CNTN5: variants seen among roughly 807,000 people sequenced by gnomAD.
CNTN5 encodes the protein contactin-5.
CNTN5 carries 77 observed loss-of-function variants against 129.1 expected under a neutral mutation model. That is an observed-to-expected ratio of 0.60 (90% CI 0.50 to 0.72). The LOEUF (loss-of-function observed/expected upper bound fraction) is 0.72, where lower values mean the gene tolerates loss of function less well. CNTN5 is among the 30% of genes least tolerant of loss of function. The probability of loss-of-function intolerance (pLI) is 0.00; values close to 1 mark genes in which losing one functional copy is unlikely to be tolerated. For missense variants in CNTN5, 1,478 were observed against 1,328.8 expected, an observed-to-expected ratio of 1.11 and a Z score of -1.75; for synonymous variants, 509 against 465.6, an observed-to-expected ratio of 1.09 and a Z score of -1.20.
chr11:99,570,129 CT>C (rs1425663512), intron 3 of CNTN5, among the ~76,000 whole-genome samples: 5 of 143,138 alleles, frequency 3.5e-5, no homozygotes, highest in African/African-American at 1.1e-4. Context: ...CTAAAGGTTA[CT>C]TTAAAAAAAA....
chr11:99,641,898 A>G (rs1482952223), intron 3 of CNTN5, among the ~76,000 whole-genome samples: 1 of 152,170 alleles, frequency 6.6e-6, no homozygotes, highest in Non-Finnish European at 1.5e-5. Context: ...TGAGAGCGTT[A>G]CTTCTTCCTC....
chr11:99,341,640 A>C (rs940095085), intron 2 of CNTN5, among the ~76,000 whole-genome samples: 2 of 152,260 alleles, frequency 1.3e-5, no homozygotes, highest in African/African-American at 4.8e-5. Flanking sequence ...CATGTCTTGT[A>C]CTCTTTGTGG....
chr11:99,941,270 A>T (rs1381010849), intron 7 of CNTN5, among the ~76,000 whole-genome samples: 1 of 152,114 alleles, frequency 6.6e-6, no homozygotes, highest in Non-Finnish European at 1.5e-5. Flanking sequence ...GTTTCTAGAA[A>T]AACTTCCAGA....
chr11:99,257,568 A>G (rs1283245179), intron 1 of CNTN5, among the ~76,000 whole-genome samples: 1 of 151,998 alleles, frequency 6.6e-6, no homozygotes, highest in Non-Finnish European at 1.5e-5. Flanking sequence ...AAAAAGGTGT[A>G]ATTTTTTATT....
At chr11:99,171,423 C>G (rs1299901540) in intron 1 of CNTN5, among the ~76,000 whole-genome samples, 1 of 152,156 alleles carries the variant, frequency 6.6e-6, no homozygotes, top group African/African-American at 2.4e-5. Context: ...CTCATCTGAT[C>G]ATTCAGTTCC....
chr11:99,176,417 C>A (rs1162851941), intron 1 of CNTN5, among the ~76,000 whole-genome samples: 2 of 152,150 alleles, frequency 1.3e-5, no homozygotes, highest in Non-Finnish European at 2.9e-5. Context: ...CAATTGTCTG[C>A]ATAACCTCAC....
At chr11:99,987,038 A>G (rs1475943521) in intron 8 of CNTN5, among the ~76,000 whole-genome samples, 2 of 152,182 alleles carry the variant, frequency 1.3e-5, no homozygotes, top group African/African-American at 4.8e-5. Context: ...AGATTTTTTC[A>G]TAATTCCAGA....
At chr11:100,128,612 A>T (rs1946274201) in intron 13 of CNTN5, among the ~76,000 whole-genome samples, 1 of 152,176 alleles carries the variant, frequency 6.6e-6, no homozygotes, top group Admixed American at 6.5e-5. Flanking sequence ...AATTTGAGAA[A>T]GATACAGCTA....
chr11:99,250,799 C>T (rs1190463505), intron 1 of CNTN5, among the ~76,000 whole-genome samples: 1 of 151,826 alleles, frequency 6.6e-6, no homozygotes, highest in African/African-American at 2.4e-5. Flanking sequence ...ATTTACAAGT[C>T]ACTTATTCTC....
intron 3 of CNTN5, among the ~76,000 whole-genome samples, chr11:99,817,527 T>C (rs1017964090): frequency 1.1e-4 from 17 of 152,088 alleles, no homozygotes; most frequent in Non-Finnish European, 2.4e-4. Context: ...TGATTATTCT[T>C]ATCTGGCTTT....
chr11:99,324,680 C>T (rs1440240221), intron 1 of CNTN5, among the ~76,000 whole-genome samples: 5 of 152,134 alleles, frequency 3.3e-5, no homozygotes, highest in Non-Finnish European at 7.4e-5. Context: ...CCATTCATGC[C>T]TATCCTTAAT....
At chr11:100,300,671 T>A (rs1172982379) in intron 20 of CNTN5, among the ~76,000 whole-genome samples, 3 of 151,598 alleles carry the variant, frequency 2.0e-5, no homozygotes, top group African/African-American at 7.2e-5. Flanking sequence ...AGCTGCCTCA[T>A]ATTTTTATAA....
At chr11:99,725,929 T>C (rs1185556001) in intron 3 of CNTN5, among the ~76,000 whole-genome samples, 2 of 152,248 alleles carry the variant, frequency 1.3e-5, no homozygotes, top group Non-Finnish European at 1.5e-5. Context: ...CCATTAGTCT[T>C]TTTAAAGATA....
At chr11:99,717,612 C>A (rs1694357395) in intron 3 of CNTN5, among the ~76,000 whole-genome samples, 1 of 151,994 alleles carries the variant, frequency 6.6e-6, no homozygotes, top group Admixed American at 6.6e-5. Flanking sequence ...TTAATCAACA[C>A]TTTTTAAGCC....
At chr11:100,090,241 T>G (rs1022889447) in intron 13 of CNTN5, among the ~76,000 whole-genome samples, 2 of 151,912 alleles carry the variant, frequency 1.3e-5, no homozygotes, top group African/African-American at 4.8e-5. Context: ...ACAACCAACA[T>G]CATACTGAAT....
intron 2 of CNTN5, among the ~76,000 whole-genome samples, chr11:99,529,265 A>C (rs1474277768): frequency 6.6e-6 from 1 of 152,140 alleles, no homozygotes; most frequent in Non-Finnish European, 1.5e-5. Context: ...GGAAACACCC[A>C]CACAGACATA....
intron 13 of CNTN5, among the ~76,000 whole-genome samples, chr11:100,086,014 G>A (rs762476808): frequency 6.6e-6 from 1 of 151,892 alleles, no homozygotes; most frequent in Non-Finnish European, 1.5e-5. Flanking sequence ...TTTTGGGAAA[G>A]TAAATACTAA....
intron 2 of CNTN5, among the ~76,000 whole-genome samples, chr11:99,420,304 T>C (rs1048921917): frequency 2.6e-5 from 4 of 152,148 alleles, no homozygotes; most frequent in African/African-American, 7.2e-5. Context: ...GGAAAAAGGT[T>C]ATCCCCAAAA....
intron 7 of CNTN5, among the ~76,000 whole-genome samples, chr11:99,940,469 A>T (rs977762684): frequency 1.1e-4 from 16 of 152,154 alleles, no homozygotes; most frequent in Admixed American, 1.3e-4. Flanking sequence ...GGCCACATAA[A>T]GGCTAGTACC....
Sources: allele counts gnomAD v4.1 joint callset (sites outside exome capture counted in the v4.1 genomes callset), GRCh38; gene constraint gnomAD v4.1.1; transcripts MANE v1.5; gene names NCBI Gene and HGNC (gene_info 2026-07-23, HGNC 2026-07-21).